The following SGCG variants were observed in gnomAD, a reference collection of about 807,000 sequenced individuals.
SGCG encodes gamma-sarcoglycan.
In SGCG, 26 loss-of-function variants were observed where a neutral mutation model predicts 29.3. That is an observed-to-expected ratio of 0.89 (90% CI 0.65 to 1.23). The LOEUF is 1.23. SGCG is among the 50% of genes most tolerant of loss of function. SGCG has a pLI of 0.00. For synonymous variants in SGCG, 145 were observed against 129.7 expected (o/e 1.12, Z -0.80); for missense variants, 353 against 356.0 (o/e 0.99, Z 0.07).
rs555532959 is a variant in SGCG at position 23,253,992 on chromosome 13, G to T, written c.385+3275G>T. On this transcript the variant is annotated intron_variant, in intron 4 of 7. Coordinates refer to ENST00000218867, the MANE Select transcript of SGCG (RefSeq NM_000231.3). Reference sequence around the variant, plus strand: ...ATGTTTGTACAGCCTGCAGAATTGTGAGCCAATTAAACCTCTTTTCTTTAT... The same window carrying T: ...ATGTTTGTACAGCCTGCAGAATTGTTAGCCAATTAAACCTCTTTTCTTTAT... 7.2e-5 allele frequency among the ~76,000 whole-genome samples: 11 copies of T among 152,302 alleles called. No homozygotes were observed. In the South Asian group the frequency reaches 1.4e-3, roughly 20 times the overall value.
At chr13:23,196,653 A>AT (rs1555234106) in intron 1 of SGCG, among the ~76,000 whole-genome samples, 1 of 152,064 alleles carries the variant, frequency 6.6e-6, no homozygotes, top group African/African-American at 2.4e-5. Flanking sequence ...GATTATTTAT[A>AT]TTTTAAGGAT....
At chr13:23,254,930 G>T (rs1355398192) in intron 4 of SGCG, among the ~76,000 whole-genome samples, 1 of 152,244 alleles carries the variant, frequency 6.6e-6, no homozygotes, top group African/African-American at 2.4e-5. Flanking sequence ...AGGAAGCTTG[G>T]CAGCTTGCAC....
At chr13:23,305,155 A>G (rs1882317350) in intron 6 of SGCG, among the ~76,000 whole-genome samples, 1 of 152,212 alleles carries the variant, frequency 6.6e-6, no homozygotes, top group African/African-American at 2.4e-5. Context: ...TACCTTAGGG[A>G]AAACTGACAA....
chr13:23,195,613 A>G (rs1228136355), intron 1 of SGCG, among the ~76,000 whole-genome samples: 5 of 151,944 alleles, frequency 3.3e-5, no homozygotes, highest in Non-Finnish European at 7.4e-5. Context: ...AGAGTTTGCC[A>G]TTTTATTTTA....
In SGCG at chr13:23,223,783, T is replaced by C. The variant is rs189751804; in HGVS notation, c.196-10828T>C. On this transcript the variant is annotated intron_variant, in intron 2 of 7. Coordinates refer to ENST00000218867, the MANE Select transcript of SGCG (RefSeq NM_000231.3). ...GAGTTTGAGACCAGCCTGACCAACATGGTGAAACCCCGTCTCTACTAAAAA... is the reference window on the plus strand; with the variant it reads ...GAGTTTGAGACCAGCCTGACCAACACGGTGAAACCCCGTCTCTACTAAAAA... Among the ~76,000 whole-genome samples the C allele has an allele frequency of 4.6e-3, 701 of 151,944 alleles. 6 individuals carry two copies. Among genetic ancestry groups the C allele is most frequent in the African/African-American group, 0.016 (657 of 41,328 alleles).
intron 1 of SGCG, among the ~76,000 whole-genome samples, chr13:23,200,543 G>A (rs1318061531): frequency 6.6e-6 from 1 of 152,000 alleles, no homozygotes; most frequent in Non-Finnish European, 1.5e-5. Context: ...AGGGGCCGAG[G>A]GTAAAACAAA....
chr13:23,272,326 C>T (rs972179145), intron 4 of SGCG, among the ~76,000 whole-genome samples: 46 of 152,186 alleles, frequency 3.0e-4, no homozygotes, highest in African/African-American at 1.1e-3. Context: ...GACAGCATCC[C>T]TCAATGCCTA....
chr13:23,277,665 A>G (rs1881135303), intron 4 of SGCG, among the ~76,000 whole-genome samples: 1 of 152,124 alleles, frequency 6.6e-6, no homozygotes, highest in South Asian at 2.1e-4. Flanking sequence ...ACACAAAAAA[A>G]ATTATAACAT....
intron 6 of SGCG, among the ~76,000 whole-genome samples, chr13:23,311,403 G>T (rs1422600648): frequency 6.6e-6 from 1 of 152,224 alleles, no homozygotes; most frequent in East Asian, 1.9e-4. Context: ...TTCTTCATAT[G>T]TATGTCTTCC....
chr13:23,269,131 A>G (rs964237043), intron 4 of SGCG: 3 of 152,154 alleles, frequency 2.0e-5, no homozygotes, highest in Admixed American at 2.0e-4. Context: ...GTACTTTTGG[A>G]AAAAAGGGAA....
chr13:23,187,526 G>A (rs55704313), intron 1 of SGCG, among the ~76,000 whole-genome samples: 18,724 of 152,156 alleles, frequency 0.12, 1,264 homozygotes, highest in East Asian at 0.3. Context: ...TTGCAGTGTG[G>A]CAGCCGGCCT....
At chr13:23,291,756 G>A (rs1486125740) in intron 5 of SGCG, among the ~76,000 whole-genome samples, 2 of 152,172 alleles carry the variant, frequency 1.3e-5, no homozygotes, top group Non-Finnish European at 2.9e-5. Context: ...TAATTACTGA[G>A]TTTTATTGCC....
chr13:23,271,040 C>T lies in SGCG; in HGVS notation c.386-8319C>T, dbSNP rs568341559. Among the ~76,000 whole-genome samples, 12 of 152,054 alleles carry T rather than the reference C, an allele frequency of 7.9e-5. No homozygotes were observed. In the East Asian group the frequency reaches 1.5e-3, roughly 20 times the overall value. On this transcript the variant is annotated intron_variant, in intron 4 of 7. Coordinates refer to ENST00000218867, the MANE Select transcript of SGCG (RefSeq NM_000231.3). ...AGTTCAAGACCATATGGAGAAACCC[C>T]GTCTCTATTAAAAATACAAAAATTA...
At chr13:23,299,453 TATA>T (rs1375549162) in intron 6 of SGCG, among the ~76,000 whole-genome samples, 10 of 50,800 alleles carry the variant, frequency 2.0e-4, no homozygotes, top group African/African-American at 5.1e-4. Context: ...TATATATATA[TATA>T]TTTTTTTTTT....
At chr13:23,216,288 T>A (rs756120557) in intron 2 of SGCG, among the ~76,000 whole-genome samples, 2 of 152,180 alleles carry the variant, frequency 1.3e-5, no homozygotes. Context: ...AATAGAACAC[T>A]ATACTTTTTT....
At chr13:23,284,188 C>A (rs1181561419) in intron 5 of SGCG, among the ~76,000 whole-genome samples, 1 of 152,256 alleles carries the variant, frequency 6.6e-6, no homozygotes, top group East Asian at 1.9e-4. Context: ...TGGATAATAT[C>A]CTGAAGAGTG....
intron 4 of SGCG, among the ~76,000 whole-genome samples, chr13:23,254,956 C>T (rs972895701): frequency 3.3e-5 from 5 of 152,296 alleles, no homozygotes; most frequent in South Asian, 4.1e-4. Context: ...TTTCAGAAGA[C>T]GTGTAGAAAA....
chr13:23,248,315 G>C (rs1044704996), intron 3 of SGCG, among the ~76,000 whole-genome samples: 21 of 152,286 alleles, frequency 1.4e-4, no homozygotes, highest in African/African-American at 4.8e-4. Context: ...ACATGCAGGA[G>C]AGAACCTTGC....
chr13:23,173,455 T>C, the SGCG span, among the ~76,000 whole-genome samples: 1 of 151,672 alleles, frequency 6.6e-6, no homozygotes, highest in African/African-American at 2.4e-5. Flanking sequence ...CTTACACAAA[T>C]GAAGATTTCC....
Sources: gnomAD v4.1 joint callset for allele counts (sites outside exome capture counted in the v4.1 genomes callset) on GRCh38, gnomAD v4.1.1 for gene constraint, MANE v1.5 for transcripts, NCBI Gene and HGNC (gene_info 2026-07-23, HGNC 2026-07-21) for gene names.